The following SSBP2 variants were observed in gnomAD, a reference collection of about 807,000 sequenced individuals.
SSBP2 encodes single-stranded DNA-binding protein 2.
In SSBP2, 17 loss-of-function variants were observed where a neutral mutation model predicts 61.8. The observed-to-expected ratio is 0.28, with a 90% CI of 0.19 to 0.41. SSBP2 has a LOEUF of 0.41. Ranked by LOEUF, SSBP2 falls within the 10% of genes least tolerant of loss-of-function variation. SSBP2 has a pLI of 1.00. For missense variants in SSBP2, 310 were observed against 458.7 expected (o/e 0.68, Z 2.96); for synonymous variants, 139 against 141.3 (o/e 0.98, Z 0.12).
At chr5:81,751,295 C>T (rs1294868773), upstream of SSBP2, 2 of 550,030 alleles carry the variant, frequency 3.6e-6, no homozygotes, top group Non-Finnish European at 6.5e-6. Flanking sequence ...TCCCCGACTC[C>T]CTCCCTCCCG....
intron 14 of SSBP2, among the ~76,000 whole-genome samples, chr5:81,439,402 C>T (rs575129394): frequency 6.6e-6 from 1 of 152,160 alleles, no homozygotes; most frequent in African/African-American, 2.4e-5. Flanking sequence ...GTCCATTTTG[C>T]AACACTTGTC....
At chr5:81,505,587 A>G (rs1053491690) in intron 5 of SSBP2, among the ~76,000 whole-genome samples, 1 of 152,126 alleles carries the variant, frequency 6.6e-6, no homozygotes, top group Non-Finnish European at 1.5e-5. Flanking sequence ...TCCTCTCTAT[A>G]TAAATTTTTT....
Position 81,439,600 on chromosome 5 carries a change from C to A in SSBP2, c.928+958G>T, listed in dbSNP as rs961044750. 3.4e-5 allele frequency among the ~76,000 whole-genome samples: 5 copies of A among 149,204 alleles called. No homozygotes were observed. In the South Asian group the frequency reaches 6.4e-4, roughly 19 times the overall value. On this transcript the variant is annotated intron_variant, in intron 14 of 16. Coordinates refer to ENST00000320672, the MANE Select transcript of SSBP2 (RefSeq NM_012446.5). ...CACTGCACCCTCTGACTCCTGGGTT[C>A]AAACGATTCTCTGCCTTAGCCTTTT...
chr5:81,591,004 T>C (rs957821867), intron 4 of SSBP2, among the ~76,000 whole-genome samples: 3 of 152,136 alleles, frequency 2.0e-5, no homozygotes, highest in South Asian at 4.1e-4. Context: ...ACAGAGAATG[T>C]TGTGTCCTAT....
intron 5 of SSBP2, among the ~76,000 whole-genome samples, chr5:81,511,972 T>A (rs181007427): frequency 7.5e-4 from 114 of 152,234 alleles, no homozygotes; most frequent in African/African-American, 2.7e-3. Flanking sequence ...AATGTGGAAA[T>A]GAAAAATGTA....
rs1346461367 is a variant in SSBP2, at chr5:81,418,461, A to C, written c.*2043T>G. On this transcript the variant is annotated 3_prime_UTR_variant, in exon 17 of 17. Transcript: ENST00000320672. ...GCACAGGCAAAATCTTTATTTTTAC[A>C]AGGACTAAATCATTATGAATTTGAG... The C allele has an allele frequency of 6.6e-6, 1 of 152,218 alleles. No homozygotes were observed. Among genetic ancestry groups the C allele is most frequent in the Non-Finnish European group, 1.5e-5 (1 of 68,040 alleles). 9.4% of individuals were successfully genotyped at this position (152,218 alleles called of 1,614,324 possible). A position where few individuals can be genotyped will look rare whatever the true frequency, so the allele number is the denominator to read the frequency against.
chr5:81,477,298 G>A (rs550645647), intron 6 of SSBP2, among the ~76,000 whole-genome samples: 41 of 152,146 alleles, frequency 2.7e-4, no homozygotes, highest in South Asian at 1.0e-3. Flanking sequence ...ATATGCACAC[G>A]CATGGATCTG....
intron 1 of SSBP2, among the ~76,000 whole-genome samples, chr5:81,694,186 T>C (rs1029650491): frequency 6.6e-6 from 1 of 152,048 alleles, no homozygotes; most frequent in East Asian, 1.9e-4. Flanking sequence ...TAAAGGGTAG[T>C]GGGGCGAGGA....
Position 81,670,779 on chromosome 5 carries a change from T to C in SSBP2, c.63-20440A>G, listed in dbSNP as rs558009030. On this transcript the variant is annotated intron_variant, in intron 1 of 16. Coordinates refer to ENST00000320672, the MANE Select transcript of SSBP2 (RefSeq NM_012446.5). ...CTACTTTGCTTTACATCTGCTTTCC[T>C]TTCCCATCCACTTTACCTTCTTCTT... is the stretch of plus-strand genomic sequence containing the variant. Among the ~76,000 whole-genome samples the C allele has an allele frequency of 5.3e-5, 8 of 152,344 alleles. No homozygotes were observed. In the South Asian group the frequency reaches 1.7e-3, roughly 32 times the overall value.
chr5:81,741,955 T>C (rs1353637349), intron 1 of SSBP2, among the ~76,000 whole-genome samples: 1 of 152,192 alleles, frequency 6.6e-6, no homozygotes, highest in Non-Finnish European at 1.5e-5. Context: ...AATCTCTCAT[T>C]ATAAAAGAGG....
chr5:81,744,463 T>G (rs1757223760), intron 1 of SSBP2, among the ~76,000 whole-genome samples: 1 of 152,186 alleles, frequency 6.6e-6, no homozygotes, highest in Non-Finnish European at 1.5e-5. Context: ...CAGAGCTACA[T>G]ATATTTTCAT....
At chr5:81,489,475 C>T (rs1026460200) in intron 5 of SSBP2, among the ~76,000 whole-genome samples, 166 bp from the exon 6 acceptor site, 1 of 152,068 alleles carries the variant, frequency 6.6e-6, no homozygotes, top group Non-Finnish European at 1.5e-5. Flanking sequence ...AATTACCATC[C>T]CATTACTTAT....
intron 3 of SSBP2, among the ~76,000 whole-genome samples, chr5:81,636,191 CACCAGAA>C (rs1300534035): frequency 6.6e-6 from 1 of 152,306 alleles, no homozygotes; most frequent in East Asian, 1.9e-4. Flanking sequence ...AGACAGCCCT[CACCAGAA>C]ACTGATCATC....
chr5:81,541,840 C>G (rs1258175677), intron 4 of SSBP2, among the ~76,000 whole-genome samples: 1 of 152,174 alleles, frequency 6.6e-6, no homozygotes, highest in Non-Finnish European at 1.5e-5. Flanking sequence ...GTAAGAAACA[C>G]CATTCTGGAC....
intron 4 of SSBP2, among the ~76,000 whole-genome samples, chr5:81,610,756 G>A (rs1286389585): frequency 2.6e-5 from 4 of 152,204 alleles, no homozygotes; most frequent in African/African-American, 9.6e-5. Flanking sequence ...CACTTTGGGA[G>A]GCTGAGGTGG....
intron 4 of SSBP2, among the ~76,000 whole-genome samples, chr5:81,539,803 G>A (rs1216620634): frequency 1.3e-5 from 2 of 152,082 alleles, no homozygotes; most frequent in African/African-American, 2.4e-5. Flanking sequence ...GTGCAGGTTT[G>A]TTACATAGGT....
rs1761485609 is a variant in SSBP2 at position 81,419,808 on chromosome 5, A to T, written c.*696T>A. On this transcript the variant is annotated 3_prime_UTR_variant, in exon 17 of 17. Coordinates refer to ENST00000320672, the MANE Select transcript of SSBP2 (RefSeq NM_012446.5). ...TGTTTTTCTCAAATAAAAATTAAAA[A>T]AATACTTTTCACTGAAGGTAACTGA... 1 of 152,256 alleles carries T rather than the reference A, an allele frequency of 6.6e-6. No individual in the cohort carries two copies. Among genetic ancestry groups the T allele is most frequent in the Non-Finnish European group, 1.5e-5 (1 of 68,038 alleles). 9.4% of individuals were successfully genotyped at this position (152,256 alleles called of 1,614,324 possible).
intron 5 of SSBP2, among the ~76,000 whole-genome samples, chr5:81,510,444 T>A (rs1456704666): frequency 6.6e-6 from 1 of 152,162 alleles, no homozygotes; most frequent in Non-Finnish European, 1.5e-5. Context: ...CATCCCACTA[T>A]CTTAGTTAAG....
rs973949957 is a variant in SSBP2 at position 81,463,182 on chromosome 5, G to A, written c.639-2079C>T. Among the ~76,000 whole-genome samples the A allele has an allele frequency of 5.9e-5, 9 of 151,888 alleles. 1 individual carries two copies. The South Asian group carries it at 1.2e-3, about 21-fold the overall frequency. ...TTAAATTTCTCCTAACATTACCATT[G>A]TGTTTGAAAATACTTTAAGTTTCAC... is the stretch of plus-strand genomic sequence containing the variant. On this transcript the variant is annotated intron_variant, in intron 9 of 16. Coordinates refer to ENST00000320672, the MANE Select transcript of SSBP2 (RefSeq NM_012446.5).
Sources: gnomAD v4.1 joint callset for allele counts (sites outside exome capture counted in the v4.1 genomes callset) on GRCh38, gnomAD v4.1.1 for gene constraint, MANE v1.5 for transcripts, NCBI Gene and HGNC (gene_info 2026-07-23, HGNC 2026-07-21) for gene names.